Variants in ICA1 observed in about 807,000 individuals in gnomAD.
ICA1 encodes the protein 69 kDa islet cell autoantigen.
Under a neutral mutation model 71.0 loss-of-function variants are expected in ICA1, and 40 were observed. The observed-to-expected ratio is 0.56, with a 90% CI of 0.44 to 0.73. ICA1 has a LOEUF of 0.73. ICA1 is among the 30% of genes least tolerant of loss of function. The pLI is 0.00. For synonymous variants in ICA1, 207 were observed against 209.5 expected (o/e 0.99, Z 0.10); for missense variants, 578 against 576.5 (o/e 1.00, Z -0.03).
At chr7:8,154,429 G>T (rs992709309) in intron 8 of ICA1, among the ~76,000 whole-genome samples, 6 of 152,098 alleles carry the variant, frequency 3.9e-5, no homozygotes, top group Non-Finnish European at 5.9e-5. Flanking sequence ...TAACAGTCAG[G>T]AAATACAGCT....
rs1489279140 is a variant in ICA1, at chr7:8,218,401, C to G, written c.483G>C (p.Gln161His). Residue 161 changes from glutamine (Q) to histidine (H), a missense_variant, in exon 6 of 14, where the codon CAG becomes CAC. Physicochemically the swap from Gln to His is conservative, Grantham distance 24. Coordinates refer to ENST00000402384, the MANE Select transcript of ICA1 (RefSeq NM_001136020.3). ...GTGCTCCTCTATATTCCGTCCTGCA[C>G]TGTTCCATGCGGTTCACCGTCAGCC... ...DTWLTVNRMEQCRTEYRGALL... is the reference protein window; with the variant it reads ...DTWLTVNRMEHCRTEYRGALL... 6.2e-7 allele frequency: 1 copy of G among 1,614,182 alleles called. No homozygotes were observed. Among genetic ancestry groups the G allele is most frequent in the South Asian group, 1.1e-5 (1 of 91,084 alleles).
intron 10 of ICA1, among the ~76,000 whole-genome samples, chr7:8,140,488 C>G (rs1794842462): frequency 6.6e-6 from 1 of 152,176 alleles, no homozygotes; most frequent in African/African-American, 2.4e-5. Flanking sequence ...CACATGTGCC[C>G]AAAGCCCTAC....
At chr7:8,204,334 T>C (rs1334706918) in intron 6 of ICA1, among the ~76,000 whole-genome samples, 4 of 152,198 alleles carry the variant, frequency 2.6e-5, no homozygotes, top group Admixed American at 2.0e-4. Context: ...CAAATTCTAG[T>C]TCACACGTAT....
At chr7:8,151,635 A>C (rs1357940924) in intron 8 of ICA1, among the ~76,000 whole-genome samples, 1 of 152,194 alleles carries the variant, frequency 6.6e-6, no homozygotes, top group Non-Finnish European at 1.5e-5. Flanking sequence ...ATTTTCATAA[A>C]AACTATTATG....
intron 13 of ICA1, 168 bp from the exon 14 acceptor site, chr7:8,114,212 T>C (rs1584069611): frequency 1.4e-6 from 1 of 711,928 alleles, no homozygotes; most frequent in African/African-American, 1.8e-5. Context: ...CCGTGGCTGG[T>C]TGGCCAGTTA....
At chr7:8,214,520 C>T (rs1221780299) in intron 6 of ICA1, among the ~76,000 whole-genome samples, 1 of 152,168 alleles carries the variant, frequency 6.6e-6, no homozygotes, top group Non-Finnish European at 1.5e-5. Flanking sequence ...GTCTTGAGAA[C>T]AGCTATGTGC....
intron 6 of ICA1, among the ~76,000 whole-genome samples, chr7:8,164,160 A>G (rs1804959893): frequency 6.6e-6 from 1 of 151,728 alleles, no homozygotes; most frequent in Non-Finnish European, 1.5e-5. Context: ...CAAAAATTTG[A>G]TAGTGTGGTG....
intron 2 of ICA1, among the ~76,000 whole-genome samples, chr7:8,235,194 T>G (rs945344142): frequency 1.1e-4 from 17 of 152,266 alleles, no homozygotes; most frequent in Admixed American, 9.8e-4. Context: ...TATAATTAAT[T>G]GTGCATTTGA....
chr7:8,170,952 G>C (rs2128231611), intron 6 of ICA1, among the ~76,000 whole-genome samples: 1 of 152,020 alleles, frequency 6.6e-6, no homozygotes, highest in South Asian at 2.1e-4. Context: ...ATCATTTTCA[G>C]TATATTCCCA....
At chr7:8,253,311 T>G (rs891428342) in intron 1 of ICA1, among the ~76,000 whole-genome samples, 13 of 152,184 alleles carry the variant, frequency 8.5e-5, no homozygotes, top group Non-Finnish European at 1.8e-4. Flanking sequence ...GTACTCCATA[T>G]TTTTACAAGT....
intron 6 of ICA1, among the ~76,000 whole-genome samples, chr7:8,170,483 A>G (rs1488341726): frequency 6.6e-6 from 1 of 151,862 alleles, no homozygotes; most frequent in Admixed American, 6.6e-5. Context: ...CTCTCCATTT[A>G]TTGGATTTTT....
chr7:8,234,411 C>A lies in ICA1; in HGVS notation c.17+1499G>T, dbSNP rs917520561. Among the ~76,000 whole-genome samples the A allele has an allele frequency of 6.6e-6, 1 of 152,192 alleles. No homozygotes were observed. The highest frequency in any genetic ancestry group is 1.5e-5 in the Non-Finnish European group (1 of 68,042). Reference sequence around the variant, plus strand: ...GCCCCAAAGGCTCCCCTGACCCCCCCAGGCAACTCTCCTCTGTGGAGATGT... The same window carrying A: ...GCCCCAAAGGCTCCCCTGACCCCCCAAGGCAACTCTCCTCTGTGGAGATGT... On this transcript the variant is annotated intron_variant, in intron 2 of 13. Transcript: ENST00000402384. The surrounding 1 kb of genome is among the most constrained non-coding windows in gnomAD (Gnocchi z 4.5).
chr7:8,169,224 T>C (rs960825879), intron 6 of ICA1, among the ~76,000 whole-genome samples: 4 of 152,274 alleles, frequency 2.6e-5, no homozygotes, highest in Admixed American at 6.5e-5. Flanking sequence ...TCAAGTAGTA[T>C]TTAATTGTAT....
At chr7:8,118,395 A>T (rs1377230281) in intron 13 of ICA1, among the ~76,000 whole-genome samples, 4 of 152,232 alleles carry the variant, frequency 2.6e-5, no homozygotes, top group East Asian at 3.8e-4. Context: ...GGACCGTGGA[A>T]ATGTTCTAAC....
chr7:8,172,633 C>T (rs2128235821), intron 6 of ICA1, among the ~76,000 whole-genome samples: 1 of 152,260 alleles, frequency 6.6e-6, no homozygotes, highest in East Asian at 1.9e-4. Context: ...AAAATAAACT[C>T]ATTCTGCTTT....
chr7:8,259,604 C>T (rs765822156), intron 1 of ICA1, among the ~76,000 whole-genome samples: 4 of 152,160 alleles, frequency 2.6e-5, no homozygotes, highest in Admixed American at 6.5e-5. Context: ...ATTTTATATA[C>T]ATTATCTCTA....
At chr7:8,137,491 T>C (rs993245368) in intron 12 of ICA1, among the ~76,000 whole-genome samples, 3 of 152,180 alleles carry the variant, frequency 2.0e-5, no homozygotes, top group Non-Finnish European at 2.9e-5. Flanking sequence ...AATAAAATAT[T>C]TATCCCCTCC....
intron 6 of ICA1, among the ~76,000 whole-genome samples, chr7:8,215,790 A>G (rs1300880380): frequency 6.6e-6 from 1 of 152,180 alleles, no homozygotes; most frequent in African/African-American, 2.4e-5. Context: ...TTAAGACGTG[A>G]AGGTGGCAGC....
At chr7:8,180,741 A>T (rs547459084) in intron 6 of ICA1, among the ~76,000 whole-genome samples, 2 of 152,178 alleles carry the variant, frequency 1.3e-5, no homozygotes, top group East Asian at 3.9e-4. Flanking sequence ...ACAGGTGTAC[A>T]TGAAACCATG....
Sources: gnomAD v4.1 joint callset for allele counts (sites outside exome capture counted in the v4.1 genomes callset) on GRCh38, gnomAD v4.1.1 for gene constraint, Gnocchi (gnomAD v3.1) non-coding constraint, MANE v1.5 for transcripts, NCBI Gene and HGNC (gene_info 2026-07-23, HGNC 2026-07-21) for gene names.